Variants in LEPROT observed in about 807,000 individuals in gnomAD.
The protein encoded by LEPROT is leptin receptor overlapping transcript.
LEPROT carries 3 observed loss-of-function variants against 15.4 expected under a neutral mutation model. The ratio of observed to expected loss-of-function variants is 0.19; its 90% CI spans 0.09 to 0.50. LEPROT has a LOEUF of 0.50. Among genes scored for constraint, LEPROT ranks in the 20% least tolerant of loss-of-function variants. The pLI is 0.97. For missense variants in LEPROT, 137 were observed against 162.2 expected (o/e 0.84, Z 0.84); for synonymous variants, 59 against 57.5 (o/e 1.03, Z -0.12).
At position 65,435,251 on chromosome 1, in the gene LEPROT, G is replaced by A; in HGVS notation, c.*3332G>A. On this transcript the variant is annotated 3_prime_UTR_variant, in exon 4 of 4. Coordinates refer to ENST00000371065, the MANE Select transcript of LEPROT (RefSeq NM_017526.5). ...GTCCTAAGGAAGTCCTTACCTCTGA[G>A]GTATCTCCTCAATGAATACTGTTTT... The A allele has an allele frequency of 2.0e-6, 2 of 984,822 alleles. No homozygotes were observed. Among genetic ancestry groups the A allele is most frequent in the South Asian group, 4.7e-5 (1 of 21,260 alleles). The allele number at this position is 984,822 out of a possible 1,614,324, so 61.0% of individuals were successfully genotyped here.
Position 65,429,843 on chromosome 1 carries a change from G to C in LEPROT, c.93-19G>C. The C allele has an allele frequency of 2.1e-6, 3 of 1,396,746 alleles. No homozygotes were observed. The highest frequency in any genetic ancestry group is 2.8e-6 in the Non-Finnish European group (3 of 1,061,096). 86.5% of individuals were successfully genotyped at this position (1,396,746 alleles called of 1,614,324 possible). Reference sequence around the variant, plus strand: ...ACTGTTACTTTTCTTTTTGGATTTTGCCTGGGTCCAACTGACAGCGTTTAC... The same window carrying C: ...ACTGTTACTTTTCTTTTTGGATTTTCCCTGGGTCCAACTGACAGCGTTTAC... On this transcript the variant is annotated intron_variant, in intron 2 of 3. Coordinates refer to ENST00000371065, the MANE Select transcript of LEPROT (RefSeq NM_017526.5).
At chr1:65,426,894 A>G (rs1367738818) in intron 2 of LEPROT, among the ~76,000 whole-genome samples, 1 of 152,164 alleles carries the variant, frequency 6.6e-6, no homozygotes, top group African/African-American at 2.4e-5. Context: ...GCTACTTAGG[A>G]GGCTGAGGCA....
rs1460618835 is a variant in LEPROT at position 65,433,084 on chromosome 1, G to A, written c.*1165G>A. 6.1e-6 allele frequency: 6 copies of A among 985,256 alleles called. No homozygotes were observed. Among genetic ancestry groups the A allele is most frequent in the African/African-American group, 5.2e-5 (3 of 57,196 alleles). 61.0% of individuals were successfully genotyped at this position (985,256 alleles called of 1,614,324 possible). ...AGGCTGGGCTCGAGCCAGCCCCTGC[G>A]TTAGCAGGAGGGGGAGAACAGATAG... On this transcript the variant is annotated 3_prime_UTR_variant, in exon 4 of 4. Transcript: ENST00000371065.
chr1:65,427,437 G>A (rs985385254), intron 2 of LEPROT, among the ~76,000 whole-genome samples: 1 of 152,180 alleles, frequency 6.6e-6, no homozygotes, highest in African/African-American at 2.4e-5. Flanking sequence ...CAGGCATGGT[G>A]CCTGTAGCAG....
chr1:65,424,868 A>C (rs538765799), intron 1 of LEPROT, among the ~76,000 whole-genome samples: 2 of 152,286 alleles, frequency 1.3e-5, no homozygotes, highest in South Asian at 4.1e-4. Flanking sequence ...GAACCTAATT[A>C]TCTCCCAAAG....
chr1:65,423,433 A>G (rs533205331), intron 1 of LEPROT, among the ~76,000 whole-genome samples: 20 of 152,332 alleles, frequency 1.3e-4, no homozygotes, highest in African/African-American at 4.6e-4. Context: ...AGAAACTGGT[A>G]TCAGAACAGA....
Position 65,433,527 on chromosome 1 carries a change from C to T in LEPROT, c.*1608C>T. 1.0e-6 allele frequency: 1 copy of T among 985,422 alleles called. No homozygotes were observed. Among genetic ancestry groups the T allele is most frequent in the South Asian group, 4.7e-5 (1 of 21,294 alleles). 61.0% of individuals were successfully genotyped at this position (985,422 alleles called of 1,614,324 possible). A position where few individuals can be genotyped will look rare whatever the true frequency, so the allele number is the denominator to read the frequency against. On this transcript the variant is annotated 3_prime_UTR_variant, in exon 4 of 4. Coordinates refer to ENST00000371065, the MANE Select transcript of LEPROT (RefSeq NM_017526.5). ...ATGAAACTGAAATACATTCAAAACA[C>T]TTAATCCTTGAGGCTTGTGATCTGA...
intron 1 of LEPROT, among the ~76,000 whole-genome samples, chr1:65,423,335 C>CT (rs1222428900): frequency 6.6e-6 from 1 of 151,814 alleles, no homozygotes; most frequent in Non-Finnish European, 1.5e-5. Context: ...TCAACTCCAA[C>CT]TTTAAGAGAT....
At chr1:65,427,755 T>C (rs1308242263) in intron 2 of LEPROT, 5 of 401,710 alleles carry the variant, frequency 1.2e-5, no homozygotes, top group Admixed American at 8.6e-5. Flanking sequence ...TTGTTTTCTA[T>C]CTTTATTTTA....
At position 65,432,992 on chromosome 1, in the gene LEPROT, G is replaced by T; in HGVS notation, c.*1073G>T. ...TCCCCCAAAAAAACATCTCAGTGGG[G>T]AACAGATGTATCTTTTCATCTGAAA... On this transcript the variant is annotated 3_prime_UTR_variant, in exon 4 of 4. Coordinates refer to ENST00000371065, the MANE Select transcript of LEPROT (RefSeq NM_017526.5). 5 of 985,362 alleles carry T rather than the reference G, an allele frequency of 5.1e-6. No homozygotes were observed. Among genetic ancestry groups the T allele is most frequent in the Non-Finnish European group, 6.0e-6 (5 of 829,892 alleles). 61.0% of individuals were successfully genotyped at this position (985,362 alleles called of 1,614,324 possible).
Position 65,434,107 on chromosome 1 carries a change from A to G in LEPROT, c.*2188A>G. On this transcript the variant is annotated 3_prime_UTR_variant, in exon 4 of 4. Transcript: ENST00000371065. ...CCTTAAAGCATTACCTCTTGATTGT[A>G]TCTTTAGATTGATATAAAGTACTTG... 2.0e-6 allele frequency: 2 copies of G among 984,662 alleles called. No individual in the cohort carries two copies. Among genetic ancestry groups the G allele is most frequent in the Non-Finnish European group, 1.2e-6 (1 of 829,206 alleles). The allele number at this position is 984,662 out of a possible 1,614,324, so 61.0% of individuals were successfully genotyped here.
At position 65,432,822 on chromosome 1, in the gene LEPROT, A is replaced by T. The variant is rs1245261023; in HGVS notation, c.*903A>T. ...GAGAGTAAATTTCTAATGTTCTCAT[A>T]AAAAAGTTAAATATTTGAGATCATA... On this transcript the variant is annotated 3_prime_UTR_variant, in exon 4 of 4. Coordinates refer to ENST00000371065, the MANE Select transcript of LEPROT (RefSeq NM_017526.5). 1.6e-6 allele frequency: 1 copy of T among 610,978 alleles called. No individual in the cohort carries two copies. The highest frequency in any genetic ancestry group is 7.3e-5 in the South Asian group (1 of 13,756). 37.8% of individuals were successfully genotyped at this position (610,978 alleles called of 1,614,324 possible).
intron 3 of LEPROT, among the ~76,000 whole-genome samples, chr1:65,431,336 A>G (rs1646481234): frequency 6.6e-6 from 1 of 152,236 alleles, no homozygotes; most frequent in African/African-American, 2.4e-5. Context: ...AAAACCATCT[A>G]CAAACCATCT....
At chr1:65,425,167 A>G in intron 1 of LEPROT, 136 bp from the exon 2 acceptor site, 1 of 688,310 alleles carries the variant, frequency 1.5e-6, no homozygotes, top group Non-Finnish European at 2.6e-6. Context: ...CATCACTACT[A>G]TCTAATTCCA....
chr1:65,431,909 A>T lies in LEPROT; in HGVS notation c.386A>T (p.Glu129Val), dbSNP rs1027485490. ...IFGRGDDFSWEQW is the reference protein window; with the variant it reads ...IFGRGDDFSWVQW ...GGAAGAGGAGATGATTTTAGCTGGGAGCAGTGGTAGCACTTTATTCTGATT... is the reference window on the plus strand; with the variant it reads ...GGAAGAGGAGATGATTTTAGCTGGGTGCAGTGGTAGCACTTTATTCTGATT... The change falls in exon 4 of 4, where the codon GAG becomes GTG. Residue 129 changes from glutamate to valine, a missense_variant. By Grantham distance (121) the Glu-to-Val change is moderately radical (BLOSUM62 -2). Transcript: ENST00000371065. 1 of 1,613,838 alleles carries T rather than the reference A, an allele frequency of 6.2e-7. No individual in the cohort carries two copies. The highest frequency in any genetic ancestry group is 8.5e-7 in the Non-Finnish European group (1 of 1,179,958).
rs576426135 is a variant in LEPROT at position 65,431,874 on chromosome 1, C to T, written c.351C>T (p.Phe117=). ...AVIFLTIQGF[F]LIFGRGDDFS... ...TTTTCCTTACAATTCAAGGGTTTTT[C>T]CTTATATTTGGAAGAGGAGATGATT... The change falls in exon 4 of 4, where the codon TTC becomes TTT. Residue 117 remains phenylalanine, a synonymous_variant. Coordinates refer to ENST00000371065, the MANE Select transcript of LEPROT (RefSeq NM_017526.5). 3.7e-5 allele frequency: 60 copies of T among 1,613,980 alleles called. No individual in the cohort carries two copies. The South Asian group carries it at 5.8e-4, about 16-fold the overall frequency.
rs892859553 is a variant in LEPROT at position 65,433,095 on chromosome 1, G to C, written c.*1176G>C. ...GAGCCAGCCCCTGCGTTAGCAGGAG[G>C]GGGAGAACAGATAGGTAACTCTTTT... On this transcript the variant is annotated 3_prime_UTR_variant, in exon 4 of 4. Coordinates refer to ENST00000371065, the MANE Select transcript of LEPROT (RefSeq NM_017526.5). 9.1e-6 allele frequency: 9 copies of C among 985,418 alleles called. No homozygotes were observed. In the South Asian group the frequency reaches 2.3e-4, roughly 26 times the overall value. The allele number at this position is 985,418 out of a possible 1,614,324, so 61.0% of individuals were successfully genotyped here.
Position 65,431,791 on chromosome 1 carries a change from C to A in LEPROT, c.280-12C>A. On this transcript the variant is annotated splice_polypyrimidine_tract_variant and intron_variant, in intron 3 of 3. Coordinates refer to ENST00000371065, the MANE Select transcript of LEPROT (RefSeq NM_017526.5). ...GAAGTAAGGATTTAATCCTTCTTTT[C>A]TTGTCTTTCAGATCAAATGGGGAGC... 27 of 1,608,682 alleles carry A rather than the reference C, an allele frequency of 1.7e-5. No homozygotes were observed. The highest frequency in any genetic ancestry group is 2.3e-5 in the Non-Finnish European group (27 of 1,178,380).
At chr1:65,423,775 T>G (rs1451604952) in intron 1 of LEPROT, among the ~76,000 whole-genome samples, 1 of 152,202 alleles carries the variant, frequency 6.6e-6, no homozygotes. Context: ...TTCATTGGCT[T>G]AATTAATTAG....
Sources: gnomAD v4.1 joint callset for allele counts (sites outside exome capture counted in the v4.1 genomes callset) on GRCh38, gnomAD v4.1.1 for gene constraint, MANE v1.5 for transcripts, NCBI Gene and HGNC (gene_info 2026-07-23, HGNC 2026-07-21) for gene names.